HCFC1: variants seen among roughly 807,000 people sequenced by gnomAD.
HCFC1 encodes host cell factor C1.
HCFC1 carries 7 observed loss-of-function variants against 105.5 expected under a neutral mutation model. The observed-to-expected ratio is 0.07, with a 90% CI of 0.04 to 0.12. The LOEUF (loss-of-function observed/expected upper bound fraction) is 0.12, where lower values mean the gene tolerates loss of function less well. Among genes scored for constraint, HCFC1 ranks in the 10% least tolerant of loss-of-function variants. HCFC1 has a pLI of 1.00. For missense variants in HCFC1, 1,065 were observed against 1,823.6 expected (o/e 0.58, Z 7.58); for synonymous variants, 918 against 828.1 (o/e 1.11, Z -1.86).
intron 4 of HCFC1, 41 bp downstream of exon 4, chrX:153,963,184 G>A (rs1354670624): frequency 2.7e-6 from 3 of 1,094,425 alleles, no homozygotes; most frequent in South Asian, 1.8e-5. Context: ...AGGCAGACCC[G>A]CTTTGTCCCA....
At chrX:153,959,581 C>T in intron 8 of HCFC1, 90 bp from the exon 9 acceptor site, 1 of 1,085,200 alleles carries the variant, frequency 9.2e-7, no homozygotes, top group South Asian at 2.0e-5. Context: ...CTTCTGTTGG[C>T]CTGCTTGTGT....
At chrX:153,953,432 G>A (rs1382060565) in intron 18 of HCFC1, among the ~76,000 whole-genome samples, 175 bp downstream of exon 18, 3 of 112,478 alleles carry the variant, frequency 2.7e-5, no homozygotes, top group Non-Finnish European at 5.6e-5. Flanking sequence ...TGCGGGGGAC[G>A]GTGAGGCTCC....
At chrX:153,962,960 A>G (rs1240453192) in intron 4 of HCFC1, among the ~76,000 whole-genome samples, 2 of 112,328 alleles carry the variant, frequency 1.8e-5, no homozygotes, top group African/African-American at 3.2e-5. Flanking sequence ...ATTCCATTCT[A>G]GAAAGCCTTA....
intron 1 of HCFC1, among the ~76,000 whole-genome samples, chrX:153,968,676 G>A (rs2065495568): frequency 8.9e-6 from 1 of 112,572 alleles, no homozygotes; most frequent in African/African-American, 3.2e-5. Context: ...ATAAACTAAT[G>A]AATATGCAGA....
In HCFC1 at chrX:153,971,032, C is replaced by T; in HGVS notation, c.-192G>A. 1 of 391,395 alleles carries T rather than the reference C, an allele frequency of 2.6e-6. No homozygotes were observed. The highest frequency in any genetic ancestry group is 4.3e-6 in the Non-Finnish European group (1 of 231,268). 32.3% of individuals were successfully genotyped at this position (391,395 alleles called of 1,213,427 possible). On this transcript the variant is annotated 5_prime_UTR_variant, in exon 1 of 26. Transcript: ENST00000310441. ...TTTGGCTCTTCCCTTTCTTCTCGCT[C>T]ACCCCGTCTCCGCAAGAGCCGCCCG...
chrX:153,958,873 T>C, intron 9 of HCFC1, 107 bp from the exon 10 acceptor site: 1 of 571,403 alleles, frequency 1.8e-6, no homozygotes. Context: ...CTTGGGAGCC[T>C]CATCCCGCCA....
chrX:153,962,595 C>T (rs1557117294), intron 4 of HCFC1, among the ~76,000 whole-genome samples: 3 of 112,280 alleles, frequency 2.7e-5, no homozygotes, highest in Non-Finnish European at 5.6e-5. Context: ...GGGCACACCC[C>T]GAACTCTCCA....
In HCFC1 at chrX:153,964,262, C is replaced by T. The variant is rs1557117792; in HGVS notation, c.365G>A (p.Arg122Lys). The T allele has an allele frequency of 5.1e-6, 6 of 1,181,902 alleles. No homozygotes were observed. Among genetic ancestry groups the T allele is most frequent in the Non-Finnish European group, 6.8e-6 (6 of 878,467 alleles). ...GTTTTTGGGCGTCTTTGCTTTGAGTCTCTTCCACTCCCACCGGCTCGCCTG... is the reference window on the plus strand; with the variant it reads ...GTTTTTGGGCGTCTTTGCTTTGAGTTTCTTCCACTCCCACCGGCTCGCCTG... Reference protein sequence around the residue: ...ELQASRWEWKRLKAKTPKNGP... With the variant: ...ELQASRWEWKKLKAKTPKNGP... The change falls in exon 3 of 26, where the codon AGA becomes AAA. Residue 122 changes from arginine (R) to lysine (K), a missense_variant. Transcript: ENST00000310441.
chrX:153,962,114 A>G, intron 5 of HCFC1, 108 bp downstream of exon 5: 1 of 549,568 alleles, frequency 1.8e-6, no homozygotes, highest in Non-Finnish European at 3.0e-6. Context: ...AGCCAGAAAG[A>G]GGCATCCTCA....
chrX:153,949,854 T>A (rs1557111953), intron 24 of HCFC1, among the ~76,000 whole-genome samples: 1 of 111,704 alleles, frequency 9.0e-6, no homozygotes, highest in African/African-American at 3.3e-5. Context: ...AGCTCCCACC[T>A]CTCACTGCCC....
At position 153,960,322 on chromosome X, in the gene HCFC1, G is replaced by A; in HGVS notation, c.997C>T (p.Arg333Cys). Residue 333 changes from arginine (R) to cysteine (C), a missense_variant, in exon 7 of 26, where the codon CGC becomes TGC. Arg to Cys is a radical substitution (Grantham distance 180). Transcript: ENST00000310441. ...AGHCAVAINTRLYIWSGRDGY... is the reference protein window; with the variant it reads ...AGHCAVAINTCLYIWSGRDGY... ...TCACGCCCACTCCAAATGTACAGGC[G>A]GGTGTTGATGGCGACTGCGCAGTGG... is the stretch of plus-strand genomic sequence containing the variant. The A allele has an allele frequency of 1.7e-6, 2 of 1,200,093 alleles. No homozygotes were observed. The highest frequency in any genetic ancestry group is 1.1e-6 in the Non-Finnish European group (1 of 888,397).
intron 3 of HCFC1, 101 bp from the exon 4 acceptor site, chrX:153,963,534 G>T (rs190722963): frequency 7.1e-6 from 4 of 561,306 alleles, no homozygotes; most frequent in Non-Finnish European, 1.2e-5. Context: ...ACACAAAGGG[G>T]CTAGGGCTGT....
intron 22 of HCFC1, among the ~76,000 whole-genome samples, 171 bp from the exon 23 acceptor site, chrX:153,951,169 C>T (rs191245077): frequency 9.8e-5 from 11 of 111,929 alleles, no homozygotes; most frequent in East Asian, 2.8e-4. Context: ...CCGGTACTGG[C>T]GGGAAGGAAC....
In HCFC1 at chrX:153,959,965, G is replaced by A; in HGVS notation, c.1281C>T (p.Ser427=). ...CAGGTGCGGCTGCTGCTGGGGCAGG[G>A]CTCTTGGGAGGGTTGGCAGGCACAG... is the stretch of plus-strand genomic sequence containing the variant. The part of the protein sequence containing the change: ...VPSVPANPPK[S]PAPAAAAPAV... Residue 427 remains serine (S), a synonymous_variant, in exon 8 of 26, where the codon AGC becomes AGT. Coordinates refer to ENST00000310441, the MANE Select transcript of HCFC1 (RefSeq NM_005334.3). 8.3e-7 allele frequency: 1 copy of A among 1,211,467 alleles called. No individual in the cohort carries two copies.
chrX:153,951,143 C>T (rs1027700844), intron 22 of HCFC1, 145 bp from the exon 23 acceptor site: 5 of 690,403 alleles, frequency 7.2e-6, no homozygotes, highest in Non-Finnish European at 1.1e-5. Context: ...AGGGACGTGG[C>T]GAGGCTGACT....
rs782515068 is a variant in HCFC1, at chrX:153,959,534, C to T, written c.1445-43G>A. The T allele has an allele frequency of 1.7e-5, 20 of 1,196,269 alleles. 1 individual carries two copies. The highest frequency in any genetic ancestry group is 6.7e-5 in the Admixed American group (3 of 44,783). ...CAGCCGTCAGCCATCACCTTCTGCA[C>T]GATGTCCCCAGCCCCTTTGCAGGCA... On this transcript the variant is annotated intron_variant, in intron 8 of 25. Transcript: ENST00000310441.
rs1603296223 is a variant in HCFC1 at position 153,956,694 on chromosome X, G to A, written c.2566C>T (p.Leu856=). 4 of 1,209,979 alleles carry A rather than the reference G, an allele frequency of 3.3e-6. No individual in the cohort carries two copies. Among genetic ancestry groups the A allele is most frequent in the Admixed American group, 4.4e-5 (2 of 45,906 alleles). ...GCGGAGACGGTGACGGGTGTGACCA[G>A]GCGAACACCCCCCATGGGCACAGTG... ...LRTVPMGGVR[L]VTPVTVSAVK... is the part of the protein sequence containing the mutation. The change falls in exon 15 of 26, where the codon CTG becomes TTG. Residue 856 remains leucine (L), a synonymous_variant. Transcript: ENST00000310441.
At chrX:153,968,746 C>A (rs2065496565) in intron 1 of HCFC1, among the ~76,000 whole-genome samples, 1 of 112,865 alleles carries the variant, frequency 8.9e-6, no homozygotes, top group South Asian at 3.6e-4. Context: ...TAATTAGGCC[C>A]CTGCCCTACT....
At position 153,949,263 on chromosome X, in the gene HCFC1, G is replaced by A. The variant is rs1026696788; in HGVS notation, c.*84C>T. ...CGCGAGGGTGAAGTGCGAATGCTGG[G>A]ACGGGGTGGGAGGGGTGGGCCCTGG... On this transcript the variant is annotated 3_prime_UTR_variant, in exon 26 of 26. Transcript: ENST00000310441. 8 of 735,109 alleles carry A rather than the reference G, an allele frequency of 1.1e-5. No homozygotes were observed. Among genetic ancestry groups the A allele is most frequent in the Admixed American group, 2.7e-5 (1 of 36,570 alleles). 60.6% of individuals were successfully genotyped at this position (735,109 alleles called of 1,213,427 possible).
Sources: gnomAD v4.1 joint callset for allele counts (sites outside exome capture counted in the v4.1 genomes callset) on GRCh38, gnomAD v4.1.1 for gene constraint, MANE v1.5 for transcripts, NCBI Gene and HGNC (gene_info 2026-07-23, HGNC 2026-07-21) for gene names.